PCDH9: variants seen among roughly 807,000 people sequenced by gnomAD.
PCDH9 encodes protocadherin-9.
PCDH9 carries 24 observed loss-of-function variants against 70.6 expected under a neutral mutation model. That is an observed-to-expected ratio of 0.34 (90% CI 0.25 to 0.48). The LOEUF (loss-of-function observed/expected upper bound fraction) is 0.48, where lower values mean the gene tolerates loss of function less well. PCDH9 is among the 20% of genes least tolerant of loss of function. The probability of loss-of-function intolerance (pLI) is 0.99; values close to 1 mark genes in which losing one functional copy is unlikely to be tolerated. For missense variants in PCDH9, 1,281 were observed against 1,503.6 expected (o/e 0.85, Z 2.45); for synonymous variants, 562 against 558.5 (o/e 1.01, Z -0.09).
rs554154712 is a variant in PCDH9 at position 67,164,611 on chromosome 13, T to C, written c.3036+60794A>G. ...AAAAAGAAAAAAAAGAAAAAGACTATAACATTTGACTCCAGCCTTGTGATG... is the reference window on the plus strand; with the variant it reads ...AAAAAGAAAAAAAAGAAAAAGACTACAACATTTGACTCCAGCCTTGTGATG... On this transcript the variant is annotated intron_variant, in intron 2 of 4. Coordinates refer to ENST00000377865, the MANE Select transcript of PCDH9 (RefSeq NM_203487.3). Among the ~76,000 whole-genome samples the C allele has an allele frequency of 1.1e-3, 165 of 151,528 alleles. 1 individual carries two copies. Among genetic ancestry groups the C allele is most frequent in the Non-Finnish European group, 1.7e-3 (118 of 67,844 alleles).
chr13:66,343,223 C>T (rs1956160305), intron 4 of PCDH9, among the ~76,000 whole-genome samples: 1 of 152,118 alleles, frequency 6.6e-6, no homozygotes, highest in South Asian at 2.1e-4. Context: ...TAACAAATTA[C>T]TCCCAAATTG....
Position 66,304,470 on chromosome 13 carries a change from C to A in PCDH9, c.*185G>T. On this transcript the variant is annotated 3_prime_UTR_variant, in exon 5 of 5. Coordinates refer to ENST00000377865, the MANE Select transcript of PCDH9 (RefSeq NM_203487.3). ...TAATCAATTCTAGTAAACAAAATTG[C>A]ATGGCTAGAACTATCTTCTCTCATA... 1.8e-6 allele frequency: 1 copy of A among 556,840 alleles called. No individual in the cohort carries two copies. Among genetic ancestry groups the A allele is most frequent in the East Asian group, 2.8e-5 (1 of 35,566 alleles). 34.5% of individuals were successfully genotyped at this position (556,840 alleles called of 1,614,324 possible). A position where few individuals can be genotyped will look rare whatever the true frequency, so the allele number is the denominator to read the frequency against.
At chr13:66,782,134 C>T (rs947528836) in intron 3 of PCDH9, among the ~76,000 whole-genome samples, 3 of 152,092 alleles carry the variant, frequency 2.0e-5, no homozygotes, top group Non-Finnish European at 2.9e-5. Flanking sequence ...CCTCCCAGCC[C>T]CACTCTATCT....
intron 4 of PCDH9, among the ~76,000 whole-genome samples, chr13:66,546,041 T>A (rs973093290): frequency 2.0e-5 from 3 of 151,738 alleles, no homozygotes; most frequent in African/African-American, 7.3e-5. Flanking sequence ...GGTTTCACCA[T>A]GTTAGCCAGG....
intron 4 of PCDH9, among the ~76,000 whole-genome samples, chr13:66,455,743 T>G (rs996383590): frequency 6.6e-6 from 1 of 152,148 alleles, no homozygotes; most frequent in African/African-American, 2.4e-5. Context: ...TGTTTTACTA[T>G]AGAGTATCAC....
At chr13:66,519,514 C>G (rs979972220) in intron 4 of PCDH9, among the ~76,000 whole-genome samples, 5 of 152,036 alleles carry the variant, frequency 3.3e-5, no homozygotes, top group African/African-American at 1.2e-4. Context: ...GCTTCTGAGT[C>G]TCAACTTCCA....
chr13:66,893,209 C>A (rs988972113), intron 3 of PCDH9, among the ~76,000 whole-genome samples: 2 of 152,152 alleles, frequency 1.3e-5, no homozygotes, highest in African/African-American at 4.8e-5. Flanking sequence ...ACCTTCTCAA[C>A]TTCATTTAGT....
intron 2 of PCDH9, among the ~76,000 whole-genome samples, chr13:66,935,209 C>CTG (rs1304844009): frequency 6.6e-6 from 1 of 152,012 alleles, no homozygotes. Flanking sequence ...TACAGGCATG[C>CTG]ACCATGCCTG....
At chr13:67,026,571 A>G (rs1209569284) in intron 2 of PCDH9, among the ~76,000 whole-genome samples, 6 of 152,070 alleles carry the variant, frequency 3.9e-5, no homozygotes, top group African/African-American at 1.4e-4. Flanking sequence ...CAGGGCAATT[A>G]GGCAGGAGAA....
chr13:66,321,601 G>A (rs896830158), intron 4 of PCDH9, among the ~76,000 whole-genome samples: 1 of 151,884 alleles, frequency 6.6e-6, no homozygotes, highest in Non-Finnish European at 1.5e-5. Context: ...TAAATATACT[G>A]AAATTCAAGC....
At chr13:66,645,015 T>C (rs1373477806) in intron 3 of PCDH9, among the ~76,000 whole-genome samples, 3 of 152,038 alleles carry the variant, frequency 2.0e-5, no homozygotes, top group Non-Finnish European at 4.4e-5. Context: ...CTGGAACAGA[T>C]CATAGAGCGT....
intron 3 of PCDH9, among the ~76,000 whole-genome samples, chr13:66,756,537 C>G (rs79755677): frequency 2.2e-4 from 28 of 128,776 alleles, no homozygotes; most frequent in Non-Finnish European, 4.6e-4. Context: ...GTGAGGTCAA[C>G]AAAGCCTTTT....
At chr13:66,326,470 G>C (rs910261002) in intron 4 of PCDH9, among the ~76,000 whole-genome samples, 2 of 151,140 alleles carry the variant, frequency 1.3e-5, no homozygotes, top group African/African-American at 4.9e-5. Context: ...CCAGGCTGGA[G>C]TGCAGTGGCG....
intron 4 of PCDH9, among the ~76,000 whole-genome samples, chr13:66,508,835 C>T (rs1444787028): frequency 6.6e-6 from 1 of 152,126 alleles, no homozygotes; most frequent in Admixed American, 6.6e-5. Flanking sequence ...AAGCTACTTT[C>T]TTTTGGAAAA....
rs771033139 is a variant in PCDH9 at position 67,226,292 on chromosome 13, T to C, written c.2149A>G (p.Ile717Val). The C allele has an allele frequency of 2.5e-6, 4 of 1,613,512 alleles. No individual in the cohort carries two copies. The highest frequency in any genetic ancestry group is 3.4e-6 in the Non-Finnish European group (4 of 1,179,410). Residue 717 changes from isoleucine to valine, a missense_variant, in exon 2 of 5, where the codon ATA becomes GTA. Coordinates refer to ENST00000377865, the MANE Select transcript of PCDH9 (RefSeq NM_203487.3). This position sits in a 1 kb window ranked among gnomAD's most constrained non-coding sequence, Gnocchi z 5.0. ...AAGCCTTTATTGTTTCCACTCACTA[T>C]AGTATACTTTAGTTCAGCGTTCATT... ...TGMNAELKYTIVSGNNKGLFR... is the reference protein window; with the variant it reads ...TGMNAELKYTVVSGNNKGLFR...
chr13:67,028,622 T>A (rs1043819119), intron 2 of PCDH9, among the ~76,000 whole-genome samples: 1 of 151,840 alleles, frequency 6.6e-6, no homozygotes, highest in Admixed American at 6.6e-5. Flanking sequence ...AAACAAAAAA[T>A]AAGGATGTTT....
intron 4 of PCDH9, among the ~76,000 whole-genome samples, chr13:66,625,473 T>G (rs1045587385): frequency 6.6e-6 from 1 of 152,172 alleles, no homozygotes. Context: ...ATAATCTCTT[T>G]TTCATATCTA....
chr13:66,873,254 A>G (rs192907376), intron 3 of PCDH9, among the ~76,000 whole-genome samples: 12 of 152,260 alleles, frequency 7.9e-5, no homozygotes, highest in African/African-American at 2.6e-4. Flanking sequence ...TGTCACCCTA[A>G]TATCTATAAA....
At chr13:66,523,424 T>G (rs1333840555) in intron 4 of PCDH9, among the ~76,000 whole-genome samples, 1 of 152,042 alleles carries the variant, frequency 6.6e-6, no homozygotes, top group Non-Finnish European at 1.5e-5. Flanking sequence ...AAAAATAAAC[T>G]GCCAAATGGT....
Sources: allele counts gnomAD v4.1 joint callset (sites outside exome capture counted in the v4.1 genomes callset), GRCh38; gene constraint gnomAD v4.1.1; non-coding constraint Gnocchi (gnomAD v3.1); transcripts MANE v1.5; gene names NCBI Gene and HGNC (gene_info 2026-07-23, HGNC 2026-07-21).